The following ADNP variants were observed in gnomAD, a reference collection of about 807,000 sequenced individuals.
ADNP encodes activity dependent neuroprotector homeobox.
ADNP carries 4 observed loss-of-function variants against 84.9 expected under a neutral mutation model. The ratio of observed to expected loss-of-function variants is 0.05; its 90% confidence interval spans 0.02 to 0.11. ADNP has a LOEUF of 0.11. ADNP is among the 10% of genes least tolerant of loss of function. The pLI is 1.00. For synonymous variants in ADNP, 554 were observed against 468.1 expected (o/e 1.18, Z -2.37); for missense variants, 1,132 against 1,326.0 (o/e 0.85, Z 2.27).
intron 5 of ADNP, among the ~76,000 whole-genome samples, chr20:50,895,119 C>A (rs909316388): frequency 2.6e-5 from 4 of 152,082 alleles, no homozygotes; most frequent in African/African-American, 7.2e-5. Context: ...ACAAGAATAA[C>A]CTAAATGAAG....
chr20:50,893,545 G>A lies in ADNP; in HGVS notation c.1169C>T (p.Ala390Val). The A allele has an allele frequency of 1.2e-6, 2 of 1,613,906 alleles. No individual in the cohort carries two copies. Among genetic ancestry groups the A allele is most frequent in the South Asian group, 1.1e-5 (1 of 91,078 alleles). The change falls in exon 6 of 6, where the codon GCA becomes GTA. Residue 390 changes from alanine to valine, a missense_variant. Coordinates refer to ENST00000621696, the MANE Select transcript of ADNP (RefSeq NM_001282531.3). This position sits in a 1 kb window ranked among gnomAD's most constrained non-coding sequence, Gnocchi z 4.4. Reference sequence around the variant, plus strand: ...ATTAGCAGACTGCAGGGAGTATCTTGCTGGTGCCTGGGACCTCTGCTCTGA... The same window carrying A: ...ATTAGCAGACTGCAGGGAGTATCTTACTGGTGCCTGGGACCTCTGCTCTGA... ...LGSEQRSQAP[A>V]RYSLQSANAS...
chr20:50,893,928 A>T lies in ADNP; in HGVS notation c.786T>A (p.Val262=). Residue 262 remains valine, a synonymous_variant, in exon 6 of 6, where the codon GTT becomes GTA. Coordinates refer to ENST00000621696, the MANE Select transcript of ADNP (RefSeq NM_001282531.3). The surrounding 1 kb of genome is among the most constrained non-coding windows in gnomAD (Gnocchi z 4.4). ...TTAGCATCAAGGGTTTGGATCGGGG[A>T]ACCACTACATTTGTGTGCCCAATCA... ...TAMIGHTNVV[V]PRSKPLMLIA... is the part of the protein sequence containing the mutation. The T allele has an allele frequency of 6.2e-7, 1 of 1,614,120 alleles. No homozygotes were observed. The highest frequency in any genetic ancestry group is 8.5e-7 in the Non-Finnish European group (1 of 1,179,970).
intron 5 of ADNP, among the ~76,000 whole-genome samples, chr20:50,894,827 G>A (rs1327108586): frequency 2.6e-5 from 4 of 152,208 alleles, no homozygotes; most frequent in African/African-American, 7.2e-5. Flanking sequence ...GAAGCTGGGA[G>A]GTGGAGGTTG....
intron 5 of ADNP, among the ~76,000 whole-genome samples, chr20:50,894,804 A>C (rs1981210531): frequency 6.6e-6 from 1 of 152,292 alleles, no homozygotes; most frequent in South Asian, 2.1e-4. Context: ...AGGGTGAGGC[A>C]GGAGAATCGC....
At chr20:50,920,075 G>C (rs942327344) in intron 2 of ADNP, among the ~76,000 whole-genome samples, 3 of 150,248 alleles carry the variant, frequency 2.0e-5, no homozygotes, top group African/African-American at 4.9e-5. Flanking sequence ...TCAGGAGCTC[G>C]AGACCAGCCT....
chr20:50,908,099 A>G (rs1982663406), intron 2 of ADNP, among the ~76,000 whole-genome samples: 1 of 151,176 alleles, frequency 6.6e-6, no homozygotes, highest in Non-Finnish European at 1.5e-5. Context: ...AGCTGAAGTA[A>G]CAGTCATATA....
At chr20:50,919,103 T>A (rs1211757525) in intron 2 of ADNP, among the ~76,000 whole-genome samples, 1 of 151,968 alleles carries the variant, frequency 6.6e-6, no homozygotes, top group African/African-American at 2.4e-5. Context: ...TTACATATTA[T>A]CTTTCAGCAC....
chr20:50,919,404 A>C (rs913893622), intron 2 of ADNP, among the ~76,000 whole-genome samples: 9 of 151,634 alleles, frequency 5.9e-5, no homozygotes, highest in African/African-American at 2.2e-4. Flanking sequence ...GCAGTGAGCT[A>C]TGATGGTGCC....
At position 50,907,753 on chromosome 20, in the gene ADNP, T is replaced by TTG. The variant is rs3069795; in HGVS notation, c.-89-2906_-89-2905dup. 8.5e-3 allele frequency among the ~76,000 whole-genome samples: 1,279 copies of TTG among 150,632 alleles called. 8 individuals are homozygous for TTG. Among genetic ancestry groups the TTG allele is most frequent in the Non-Finnish European group, 0.014 (964 of 67,716 alleles). On this transcript the variant is annotated intron_variant, in intron 2 of 5. Coordinates refer to ENST00000621696, the MANE Select transcript of ADNP (RefSeq NM_001282531.3). The stretch of plus-strand genomic sequence containing the variant: ...CACTACCTAGACGCCTGGCTATATT[T>TTG]TGTGTGTGTGTGTGTGTTTTTTTTT...
intron 2 of ADNP, among the ~76,000 whole-genome samples, chr20:50,907,555 CCAT>C (rs1158617889): frequency 6.6e-6 from 1 of 152,094 alleles, no homozygotes; most frequent in Non-Finnish European, 1.5e-5. Context: ...GCGTGCACCA[CCAT>C]GCCTGGCCAG....
chr20:50,892,610 C>T lies in ADNP; in HGVS notation c.2104G>A (p.Ala702Thr). ...GGAGACTGATTAAGCCGAGAGGGTG[C>T]ATTTGTCTTATCCTGGCCATTTTGG... ...KTQNGQDKTN[A>T]PSRLNQSPSL... Residue 702 changes from alanine (A) to threonine (T), a missense_variant, in exon 6 of 6, where the codon GCA (alanine) becomes ACA (threonine). Ala to Thr is a moderately conservative substitution (Grantham distance 58). Coordinates refer to ENST00000621696, the MANE Select transcript of ADNP (RefSeq NM_001282531.3). 1.2e-6 allele frequency: 2 copies of T among 1,614,188 alleles called. No homozygotes were observed. Among genetic ancestry groups the T allele is most frequent in the Non-Finnish European group, 1.7e-6 (2 of 1,180,046 alleles).
At chr20:50,926,946 TTA>T (rs1984330231) in intron 2 of ADNP, among the ~76,000 whole-genome samples, 1 of 152,200 alleles carries the variant, frequency 6.6e-6, no homozygotes, top group African/African-American at 2.4e-5. Context: ...CTTGAGTATT[TTA>T]GTTTTCAAAA....
chr20:50,922,439 C>T (rs1984016325), intron 2 of ADNP, among the ~76,000 whole-genome samples: 2 of 152,016 alleles, frequency 1.3e-5, no homozygotes, highest in African/African-American at 4.8e-5. Context: ...CTTGGGGAAA[C>T]ACTTATGTTT....
chr20:50,894,561 G>GTT, intron 5 of ADNP, 49 bp from the exon 6 acceptor site: 1 of 1,527,470 alleles, frequency 6.5e-7, no homozygotes, highest in Non-Finnish European at 8.8e-7. Flanking sequence ...CAGATAGGCA[G>GTT]TTAACAGATT....
chr20:50,906,143 C>T lies in ADNP; in HGVS notation c.-89-1294G>A, dbSNP rs564155638. ...AGGAGAATCGCTTGAACCCGGGAGG[C>T]AGAGGTTGCAGTGAGCCAAGATCGC... On this transcript the variant is annotated intron_variant, in intron 2 of 5. Coordinates refer to ENST00000621696, the MANE Select transcript of ADNP (RefSeq NM_001282531.3). Among the ~76,000 whole-genome samples the T allele has an allele frequency of 7.2e-5, 11 of 152,276 alleles. No individual in the cohort carries two copies. In the East Asian group the frequency reaches 1.7e-3, roughly 24 times the overall value.
In ADNP at chr20:50,892,431, A is replaced by C. The variant is rs113776148; in HGVS notation, c.2283T>G (p.Asp761Glu). Residue 761 changes from aspartate to glutamate, a missense_variant, in exon 6 of 6, where the codon GAT (aspartate) becomes GAG (glutamate). Asp to Glu is a conservative substitution (Grantham distance 45, BLOSUM62 2). This residue lies in a region of ADNP where 101 missense variants were observed against 78.5 expected (regional missense o/e 1.29). Coordinates refer to ENST00000621696, the MANE Select transcript of ADNP (RefSeq NM_001282531.3). ...AGCTTTTCCTGGCTTCATAGGAATCATCTTCATGACCCTTGGGGTCTAAAG... is the reference window on the plus strand; with the variant it reads ...AGCTTTTCCTGGCTTCATAGGAATCCTCTTCATGACCCTTGGGGTCTAAAG... ...VLALDPKGHE[D>E]DSYEARKSFL... The C allele has an allele frequency of 1.2e-6, 2 of 1,614,218 alleles. No individual in the cohort carries two copies. The highest frequency in any genetic ancestry group is 1.7e-6 in the Non-Finnish European group (2 of 1,180,038).
intron 5 of ADNP, among the ~76,000 whole-genome samples, chr20:50,899,364 C>A (rs1371190987): frequency 6.6e-6 from 1 of 152,020 alleles, no homozygotes; most frequent in Non-Finnish European, 1.5e-5. Flanking sequence ...GCATCTGCCA[C>A]CACACCTGGC....
Position 50,912,915 on chromosome 20 carries a change from T to C in ADNP, c.-89-8066A>G, listed in dbSNP as rs140615807. Among the ~76,000 whole-genome samples the C allele has an allele frequency of 3.6e-3, 549 of 152,002 alleles. 2 individuals are homozygous for C. Among genetic ancestry groups the C allele is most frequent in the Non-Finnish European group, 4.6e-3 (313 of 67,950 alleles). ...CTGGGGTTGGGAGAAGAGAAGAGTGTGGAATCAAGGGCTAGGAATGACGCT... is the reference window on the plus strand; with the variant it reads ...CTGGGGTTGGGAGAAGAGAAGAGTGCGGAATCAAGGGCTAGGAATGACGCT... On this transcript the variant is annotated intron_variant, in intron 2 of 5. Coordinates refer to ENST00000621696, the MANE Select transcript of ADNP (RefSeq NM_001282531.3).
At chr20:50,918,162 C>T (rs970283535) in intron 2 of ADNP, among the ~76,000 whole-genome samples, 2 of 151,556 alleles carry the variant, frequency 1.3e-5, no homozygotes, top group African/African-American at 2.4e-5. Context: ...AAAATAAACA[C>T]ATTCTTTTTT....
Sources: allele counts gnomAD v4.1 joint callset (sites outside exome capture counted in the v4.1 genomes callset), GRCh38; gene constraint gnomAD v4.1.1; regional missense constraint gnomAD v4.1.1; non-coding constraint Gnocchi (gnomAD v3.1); transcripts MANE v1.5; gene names NCBI Gene and HGNC (gene_info 2026-07-23, HGNC 2026-07-21).